The following CRISP1 variants were observed in gnomAD, a reference collection of about 807,000 sequenced individuals.
CRISP1 encodes the protein cysteine-rich secretory protein 1.
Under a neutral mutation model 33.1 loss-of-function variants are expected in CRISP1, and 44 were observed. The observed-to-expected ratio is 1.33, with a 90% CI of 1.05 to 1.71. CRISP1 has a LOEUF of 1.71. Ranked by LOEUF, CRISP1 falls within the 40% of genes most tolerant of loss-of-function variation. CRISP1 has a pLI of 0.00. For synonymous variants in CRISP1, 103 were observed against 98.7 expected, an observed-to-expected ratio of 1.04 and a Z score of -0.26; for missense variants, 390 against 301.2, an observed-to-expected ratio of 1.29 and a Z score of -2.18.
intron 3 of CRISP1, among the ~76,000 whole-genome samples, chr6:49,848,874 C>T (rs776875176): frequency 5.9e-5 from 9 of 152,022 alleles, no homozygotes; most frequent in Non-Finnish European, 1.3e-4. Flanking sequence ...CTGTGTGTAT[C>T]TTCTCTCACT....
Position 49,835,456 on chromosome 6 carries a change from A to G in CRISP1, c.623-13T>C, listed in dbSNP as rs1452925722. The G allele has an allele frequency of 6.2e-7, 1 of 1,612,570 alleles. No homozygotes were observed. The highest frequency in any genetic ancestry group is 8.5e-7 in the Non-Finnish European group (1 of 1,179,214). On this transcript the variant is annotated splice_polypyrimidine_tract_variant and intron_variant, in intron 7 of 7. Transcript: ENST00000335847. ...ATGCAGGGGTTAGCTGAAAGAAAAT[A>G]GTATGGTTTTACAACACAGTCTTTT...
chr6:49,863,781 G>A (rs1314555609), intron 1 of CRISP1, among the ~76,000 whole-genome samples: 1 of 152,148 alleles, frequency 6.6e-6, no homozygotes, highest in Admixed American at 6.6e-5. Flanking sequence ...CTTACATGAA[G>A]AACAGTCCCT....
chr6:49,847,397 T>C (rs966856662), intron 4 of CRISP1, among the ~76,000 whole-genome samples: 5 of 152,144 alleles, frequency 3.3e-5, no homozygotes, highest in African/African-American at 1.2e-4. Flanking sequence ...AACTTGGTGC[T>C]GTCTTCATAA....
chr6:49,865,861 A>C (rs1771787535), intron 1 of CRISP1, among the ~76,000 whole-genome samples: 1 of 152,150 alleles, frequency 6.6e-6, no homozygotes. Flanking sequence ...GACAGCTTAA[A>C]ATCCTGCCCG....
intron 3 of CRISP1, among the ~76,000 whole-genome samples, chr6:49,848,512 G>A (rs910207385): frequency 6.6e-6 from 1 of 152,012 alleles, no homozygotes; most frequent in Non-Finnish European, 1.5e-5. Flanking sequence ...TTCAAAACTT[G>A]GTAATTACAT....
chr6:49,876,927 A>G (rs1440290374), intron 1 of CRISP1: 1 of 151,884 alleles, frequency 6.6e-6, no homozygotes, highest in Non-Finnish European at 1.5e-5. Flanking sequence ...AGAATAGCCA[A>G]TGGATGCTGG....
intron 7 of CRISP1, among the ~76,000 whole-genome samples, chr6:49,837,748 T>C (rs1227702803): frequency 6.6e-6 from 1 of 152,182 alleles, no homozygotes; most frequent in Non-Finnish European, 1.5e-5. Flanking sequence ...TTATTACTAG[T>C]ATAATTTATC....
intron 1 of CRISP1, among the ~76,000 whole-genome samples, chr6:49,871,574 A>G (rs1582289390): frequency 9.4e-6 from 1 of 105,868 alleles, no homozygotes; most frequent in Non-Finnish European, 1.8e-5. Context: ...AACAGGCCCC[A>G]GTGTGTGATG....
intron 1 of CRISP1, among the ~76,000 whole-genome samples, chr6:49,873,180 T>A (rs558279166): frequency 2.0e-5 from 3 of 151,224 alleles, no homozygotes; most frequent in South Asian, 2.1e-4. Flanking sequence ...AAAATAAAAA[T>A]AAAAAAATAA....
At chr6:49,875,584 T>A (rs1772017484) in intron 1 of CRISP1, among the ~76,000 whole-genome samples, 1 of 152,074 alleles carries the variant, frequency 6.6e-6, no homozygotes, top group Non-Finnish European at 1.5e-5. Context: ...AGACCCCAAA[T>A]AGCCAAGAAA....
At chr6:49,868,328 A>G (rs1771845832), upstream of CRISP1, among the ~76,000 whole-genome samples, 1 of 152,196 alleles carries the variant, frequency 6.6e-6, no homozygotes, top group African/African-American at 2.4e-5. Context: ...ACTATCTACA[A>G]TAACTTTTTT....
chr6:49,847,830 A>G (rs939255368), intron 4 of CRISP1, among the ~76,000 whole-genome samples: 5 of 152,222 alleles, frequency 3.3e-5, no homozygotes, highest in Admixed American at 6.5e-5. Context: ...TCTCAACTGC[A>G]TTATCGTTCC....
chr6:49,861,550 C>G (rs1253662732), intron 1 of CRISP1, among the ~76,000 whole-genome samples: 1 of 152,090 alleles, frequency 6.6e-6, no homozygotes, highest in African/African-American at 2.4e-5. Context: ...AATTTAACAT[C>G]TCTTCCTGAC....
chr6:49,849,366 T>A (rs1315281496), intron 3 of CRISP1, among the ~76,000 whole-genome samples: 1 of 152,164 alleles, frequency 6.6e-6, no homozygotes, highest in Non-Finnish European at 1.5e-5. Flanking sequence ...CTGCTGCCTG[T>A]TGACCAAATC....
At chr6:49,873,066 T>C (rs527308876) in intron 1 of CRISP1, among the ~76,000 whole-genome samples, 59 of 152,248 alleles carry the variant, frequency 3.9e-4, no homozygotes, top group Middle Eastern at 3.4e-3. Flanking sequence ...ATATACCTAA[T>C]GTTAAATGAC....
At chr6:49,875,520 G>A (rs1386536690) in intron 1 of CRISP1, among the ~76,000 whole-genome samples, 1 of 151,918 alleles carries the variant, frequency 6.6e-6, no homozygotes, top group Non-Finnish European at 1.5e-5. Flanking sequence ...ACTATCATTG[G>A]CATTCTTCAC....
At chr6:49,855,765 C>T (rs529763978) in intron 2 of CRISP1, among the ~76,000 whole-genome samples, 4 of 152,198 alleles carry the variant, frequency 2.6e-5, no homozygotes, top group Non-Finnish European at 5.9e-5. Context: ...AAAACACTGC[C>T]ACTGGTGGAA....
At chr6:49,854,354 A>G (rs750697035) in intron 2 of CRISP1, among the ~76,000 whole-genome samples, 1 of 152,010 alleles carries the variant, frequency 6.6e-6, no homozygotes, top group Non-Finnish European at 1.5e-5. Flanking sequence ...AGCAGTGTTT[A>G]TTTATGATTA....
chr6:49,850,464 C>T (rs1771314418), intron 3 of CRISP1, among the ~76,000 whole-genome samples: 1 of 151,942 alleles, frequency 6.6e-6, no homozygotes, highest in East Asian at 1.9e-4. Flanking sequence ...ACAAGTGACT[C>T]TACTTAGGTT....
Sources: allele counts gnomAD v4.1 joint callset (sites outside exome capture counted in the v4.1 genomes callset), GRCh38; gene constraint gnomAD v4.1.1; transcripts MANE v1.5; gene names NCBI Gene and HGNC (gene_info 2026-07-23, HGNC 2026-07-21).